TANC2: variants seen among roughly 807,000 people sequenced by gnomAD.
TANC2 encodes the protein protein TANC2.
TANC2 carries 26 observed loss-of-function variants against 210.5 expected under a neutral mutation model. The observed-to-expected ratio is 0.12, with a 90% CI of 0.09 to 0.17. The LOEUF (loss-of-function observed/expected upper bound fraction) is 0.17, where lower values mean the gene tolerates loss of function less well. TANC2 is among the 10% of genes least tolerant of loss of function. The probability of loss-of-function intolerance (pLI) is 1.00; values close to 1 mark genes in which losing one functional copy is unlikely to be tolerated. For missense variants in TANC2, 2,129 were observed against 2,608.9 expected (o/e 0.82, Z 4.01); for synonymous variants, 931 against 967.1 (o/e 0.96, Z 0.69).
At position 63,081,705 on chromosome 17, in the gene TANC2, T is replaced by G. The variant is rs576307668; in HGVS notation, c.139+7691T>G. Among the ~76,000 whole-genome samples, 14 of 152,144 alleles carry G rather than the reference T, an allele frequency of 9.2e-5. No individual in the cohort carries two copies. The South Asian group carries it at 2.9e-3, about 32-fold the overall frequency. On this transcript the variant is annotated intron_variant, in intron 3 of 27. Transcript: ENST00000689528. ...AGTGATTATGATAATTAATTTATAA[T>G]CTTAAGCTCTTGGAATACGTAGCCC...
intron 9 of TANC2, among the ~76,000 whole-genome samples, chr17:63,291,364 C>G (rs962707196): frequency 6.6e-6 from 1 of 152,198 alleles, no homozygotes; most frequent in Non-Finnish European, 1.5e-5. Flanking sequence ...AAAACCAAGT[C>G]TATACACATT....
intron 11 of TANC2, among the ~76,000 whole-genome samples, chr17:63,334,268 G>A (rs903360116): frequency 6.6e-6 from 1 of 152,102 alleles, no homozygotes; most frequent in African/African-American, 2.4e-5. Context: ...TACAAAATAA[G>A]TCTAGAACAT....
At chr17:63,389,485 T>C in exon 17 of TANC2, 2 of 1,613,644 alleles carry the variant, frequency 1.2e-6, no homozygotes, top group Non-Finnish European at 1.7e-6. Flanking sequence ...TCCCCTGGGA[T>C]ATGCTGCAGC....
intron 9 of TANC2, among the ~76,000 whole-genome samples, chr17:63,303,046 G>T: frequency 6.6e-6 from 1 of 152,148 alleles, no homozygotes; most frequent in Admixed American, 6.5e-5. Flanking sequence ...ATAGGCATGA[G>T]CCACTGTGCC....
intron 7 of TANC2, among the ~76,000 whole-genome samples, chr17:63,205,016 C>A (rs1353224583): frequency 6.6e-6 from 1 of 152,006 alleles, no homozygotes; most frequent in Non-Finnish European, 1.5e-5. Context: ...ACCTGGGAGG[C>A]AGAGGTTGCA....
chr17:63,024,529 A>G (rs2034474871), intron 2 of TANC2, among the ~76,000 whole-genome samples: 1 of 152,046 alleles, frequency 6.6e-6, no homozygotes, highest in African/African-American at 2.4e-5. Flanking sequence ...TACGACCTGT[A>G]TCTTGTGCTG....
chr17:63,311,572 G>A (rs920038967), intron 9 of TANC2, among the ~76,000 whole-genome samples: 1 of 152,164 alleles, frequency 6.6e-6, no homozygotes, highest in African/African-American at 2.4e-5. Context: ...AGAGGAAACA[G>A]TTGGGCAGTT....
chr17:63,100,858 A>G (rs1424121335), intron 4 of TANC2, among the ~76,000 whole-genome samples: 2 of 152,220 alleles, frequency 1.3e-5, no homozygotes, highest in Admixed American at 6.5e-5. Flanking sequence ...GAGGTATTGT[A>G]GTGAAGCAGT....
intron 10 of TANC2, among the ~76,000 whole-genome samples, chr17:63,317,132 A>T (rs1325920511): frequency 6.6e-6 from 1 of 152,078 alleles, no homozygotes; most frequent in Non-Finnish European, 1.5e-5. Context: ...GGAGTTCCCA[A>T]CTTCTTTCTC....
intron 9 of TANC2, among the ~76,000 whole-genome samples, chr17:63,272,786 C>G (rs1434002110): frequency 1.3e-5 from 2 of 151,850 alleles, no homozygotes; most frequent in Non-Finnish European, 2.9e-5. Context: ...TGTAGTATAC[C>G]CAGTAGATAA....
chr17:63,417,789 C>T (rs2048909830), intron 26 of TANC2, among the ~76,000 whole-genome samples: 1 of 152,074 alleles, frequency 6.6e-6, no homozygotes, highest in Non-Finnish European at 1.5e-5. Flanking sequence ...TGTCTGACAC[C>T]CCCTCTCCCT....
At chr17:63,229,632 AT>A (rs1471916058) in intron 7 of TANC2, among the ~76,000 whole-genome samples, 1 of 148,320 alleles carries the variant, frequency 6.7e-6, no homozygotes, top group Non-Finnish European at 1.5e-5. Flanking sequence ...AGAACTTGTT[AT>A]TGGTCTATTC....
At chr17:63,256,562 A>G (rs998021667) in intron 8 of TANC2, among the ~76,000 whole-genome samples, 5 of 152,214 alleles carry the variant, frequency 3.3e-5, no homozygotes, top group African/African-American at 9.6e-5. Context: ...AAGAATGTCT[A>G]TTCTGCAGCC....
At chr17:62,987,109 T>C (rs1213204075) in intron 1 of TANC2, among the ~76,000 whole-genome samples, 4 of 152,022 alleles carry the variant, frequency 2.6e-5, no homozygotes, top group Non-Finnish European at 5.9e-5. Context: ...CATGCAACAG[T>C]TTGGGCAGCT....
chr17:63,028,358 G>C (rs2034636791), intron 2 of TANC2, among the ~76,000 whole-genome samples: 1 of 152,120 alleles, frequency 6.6e-6, no homozygotes, highest in Non-Finnish European at 1.5e-5. Flanking sequence ...ACATAAGACA[G>C]ATTAATAGAG....
At chr17:63,318,136 A>C (rs1219742381) in intron 10 of TANC2, among the ~76,000 whole-genome samples, 3 of 152,220 alleles carry the variant, frequency 2.0e-5, no homozygotes, top group Admixed American at 6.5e-5. Flanking sequence ...GAGTTAAATG[A>C]GGACTACTTT....
chr17:62,970,859 T>C (rs1478415457), intron 1 of TANC2, among the ~76,000 whole-genome samples: 1 of 152,230 alleles, frequency 6.6e-6, no homozygotes, highest in East Asian at 1.9e-4. Flanking sequence ...GAACAAGCTG[T>C]TGCAGAGGGC....
intron 3 of TANC2, among the ~76,000 whole-genome samples, chr17:63,094,109 A>C (rs188384632): frequency 1.5e-3 from 236 of 152,300 alleles, no homozygotes; most frequent in Middle Eastern, 0.01. Flanking sequence ...CTTGTACATT[A>C]ACTTTGTAAC....
At chr17:63,023,571 T>G (rs2034434874) in intron 2 of TANC2, among the ~76,000 whole-genome samples, 1 of 152,168 alleles carries the variant, frequency 6.6e-6, no homozygotes, top group East Asian at 1.9e-4. Context: ...GGGACTTGCT[T>G]GGGGCTGATT....
Sources: gnomAD v4.1 joint callset for allele counts (sites outside exome capture counted in the v4.1 genomes callset) on GRCh38, gnomAD v4.1.1 for gene constraint, MANE v1.5 for transcripts, NCBI Gene and HGNC (gene_info 2026-07-23, HGNC 2026-07-21) for gene names.